Variants in PLCB4 observed in about 807,000 individuals in gnomAD.
PLCB4 encodes the protein 1-phosphatidylinositol 4,5-bisphosphate phosphodiesterase beta-4.
PLCB4 carries 77 observed loss-of-function variants against 178.8 expected under a neutral mutation model. That is an observed-to-expected ratio of 0.43 (90% confidence interval 0.36 to 0.52). PLCB4 has a LOEUF of 0.52. Among genes scored for constraint, PLCB4 ranks in the 20% least tolerant of loss-of-function variants. PLCB4 has a pLI of 0.00. For synonymous variants in PLCB4, 496 were observed against 490.8 expected, an observed-to-expected ratio of 1.01 and a Z score of -0.14; for missense variants, 1,024 against 1,453.4, an observed-to-expected ratio of 0.70 and a Z score of 4.80.
At chr20:9,132,284 T>TTGTG (rs34334709) in intron 2 of PLCB4, among the ~76,000 whole-genome samples, 1,755 of 149,262 alleles carry the variant, frequency 0.012, 33 homozygotes, top group African/African-American at 0.038. Context: ...GGCATAATGT[T>TTGTG]TGTGTGTGTG....
rs532017001 is a variant in PLCB4 at position 9,081,809 on chromosome 20, T to A, written c.-135+12603T>A. ...GCCAAAGTTTAGTAAACCGAAGCCA[T>A]CTGCAGACCTATTAAAGAAAAAAGT... On this transcript the variant is annotated intron_variant, in intron 1 of 39. Coordinates refer to ENST00000378473, the MANE Select transcript of PLCB4 (RefSeq NM_001377142.1). Among the ~76,000 whole-genome samples, 339 of 124,488 alleles carry A rather than the reference T, an allele frequency of 2.7e-3. 1 individual carries two copies. Among genetic ancestry groups the A allele is most frequent in the African/African-American group, 9.3e-3 (327 of 35,286 alleles). 81.7% of individuals were successfully genotyped at this position (124,488 alleles called of 152,430 possible).
In PLCB4 at chr20:9,346,258, GCCT is replaced by G. The variant is rs550196062; in HGVS notation, c.369+7222_369+7224del. On this transcript the variant is annotated intron_variant, in intron 7 of 39. Transcript: ENST00000378473. ...GAATCAGAAAGCTAGGATTTCAGCG[GCCT>G]TCCAAGTGATTCTTATGCACACTCA... Among the ~76,000 whole-genome samples, 151 of 152,298 alleles carry G rather than the reference GCCT, an allele frequency of 9.9e-4. 2 individuals carry two copies. The Middle Eastern group carries it at 0.014, about 14-fold the overall frequency.
chr20:9,092,799 C>T (rs944044550), intron 1 of PLCB4, among the ~76,000 whole-genome samples: 1 of 152,036 alleles, frequency 6.6e-6, no homozygotes, highest in African/African-American at 2.4e-5. Flanking sequence ...GGAGCTATTT[C>T]CAGGAAATGA....
intron 2 of PLCB4, among the ~76,000 whole-genome samples, chr20:9,189,966 T>TC (rs763663669): frequency 6.6e-6 from 1 of 152,010 alleles, no homozygotes; most frequent in East Asian, 1.9e-4. Flanking sequence ...GCACACCTTC[T>TC]CCCCCACCCC....
At chr20:9,338,187 A>T in intron 6 of PLCB4, 120 bp downstream of exon 6, 1 of 682,030 alleles carries the variant, frequency 1.5e-6, no homozygotes, top group East Asian at 2.7e-5. Context: ...ATTTGATCTC[A>T]GTTTTGAGAA....
At chr20:9,338,511 C>G (rs1403985413) in intron 6 of PLCB4, among the ~76,000 whole-genome samples, 2 of 152,070 alleles carry the variant, frequency 1.3e-5, no homozygotes, top group Non-Finnish European at 2.9e-5. Context: ...GCAACCCTGT[C>G]TCTACAAAAA....
At chr20:9,303,816 G>A (rs997934485) in intron 3 of PLCB4, among the ~76,000 whole-genome samples, 3 of 152,056 alleles carry the variant, frequency 2.0e-5, no homozygotes, top group Non-Finnish European at 4.4e-5. Flanking sequence ...TAAGCCAAAT[G>A]TATTTTAACT....
chr20:9,382,463 CCCAAGTGATGTAG>C (rs1197956707), intron 13 of PLCB4, among the ~76,000 whole-genome samples: 2 of 152,202 alleles, frequency 1.3e-5, no homozygotes, highest in Non-Finnish European at 2.9e-5. Context: ...AGGACTAAAG[CCCAAGTGATGTAG>C]CCTTTGGCTC....
At chr20:9,277,152 A>G (rs910018761) in intron 3 of PLCB4, among the ~76,000 whole-genome samples, 1 of 152,008 alleles carries the variant, frequency 6.6e-6, no homozygotes. Context: ...GATTCACTGC[A>G]TGTTAGCTAC....
At chr20:9,103,306 A>G (rs1426676150) in intron 2 of PLCB4, among the ~76,000 whole-genome samples, 1 of 152,174 alleles carries the variant, frequency 6.6e-6, no homozygotes, top group East Asian at 1.9e-4. Context: ...AAAAAGTAAA[A>G]TGGGAACATT....
chr20:9,336,334 A>G (rs1014987457), intron 4 of PLCB4, among the ~76,000 whole-genome samples: 3 of 152,176 alleles, frequency 2.0e-5, no homozygotes, highest in Non-Finnish European at 2.9e-5. Flanking sequence ...TAATAAGACA[A>G]GAAGTCAGTT....
At chr20:9,402,561 T>G (rs1363208767) in intron 20 of PLCB4, among the ~76,000 whole-genome samples, 3 of 152,188 alleles carry the variant, frequency 2.0e-5, no homozygotes, top group Non-Finnish European at 4.4e-5. Context: ...TTGCTGTGGT[T>G]GCCATATGGA....
At chr20:9,232,579 A>C (rs144491391) in intron 3 of PLCB4, among the ~76,000 whole-genome samples, 1 of 152,152 alleles carries the variant, frequency 6.6e-6, no homozygotes, top group Non-Finnish European at 1.5e-5. Flanking sequence ...GAATTCTTCA[A>C]CAGAAGTATG....
intron 1 of PLCB4, among the ~76,000 whole-genome samples, chr20:9,094,809 G>T (rs1482948078): frequency 6.6e-6 from 1 of 152,184 alleles, no homozygotes; most frequent in African/African-American, 2.4e-5. Context: ...TAGTGTACGT[G>T]CAGTGACCCA....
At chr20:9,465,800 G>A (rs1381088879) in intron 35 of PLCB4, among the ~76,000 whole-genome samples, 1 of 152,152 alleles carries the variant, frequency 6.6e-6, no homozygotes, top group East Asian at 1.9e-4. Context: ...GAAATGAATG[G>A]AAGAACATTC....
intron 2 of PLCB4, among the ~76,000 whole-genome samples, chr20:9,198,592 C>A (rs1457991590): frequency 6.6e-6 from 1 of 152,182 alleles, no homozygotes; most frequent in Non-Finnish European, 1.5e-5. Context: ...CTGCTTCAGT[C>A]TCCTGAATGA....
chr20:9,341,920 G>A (rs978592854), intron 7 of PLCB4, among the ~76,000 whole-genome samples: 2 of 152,056 alleles, frequency 1.3e-5, no homozygotes, highest in Non-Finnish European at 1.5e-5. Flanking sequence ...AAGAAACTAA[G>A]TGTTTCAGCT....
chr20:9,432,892 C>CTGTG (rs1373684047), intron 28 of PLCB4, among the ~76,000 whole-genome samples: 1 of 152,202 alleles, frequency 6.6e-6, no homozygotes, highest in East Asian at 1.9e-4. Flanking sequence ...GAGGTAGACC[C>CTGTG]TGTGTCTCCT....
intron 2 of PLCB4, among the ~76,000 whole-genome samples, chr20:9,101,376 T>C (rs556609416): frequency 2.1e-3 from 314 of 152,254 alleles, no homozygotes; most frequent in African/African-American, 7.2e-3. Context: ...ATCATTGCGT[T>C]ATGGATGGCT....
Sources: gnomAD v4.1 joint callset for allele counts (sites outside exome capture counted in the v4.1 genomes callset) on GRCh38, gnomAD v4.1.1 for gene constraint, MANE v1.5 for transcripts, NCBI Gene and HGNC (gene_info 2026-07-23, HGNC 2026-07-21) for gene names.